Variants in TANGO6 observed in about 807,000 individuals in gnomAD.
TANGO6 encodes transport and golgi organization 6 homolog, also known as transport and Golgi organization protein 6 homolog.
A neutral mutation model predicts 114.2 loss-of-function variants in TANGO6; 90 were observed. The ratio of observed to expected loss-of-function variants is 0.79; its 90% confidence interval spans 0.66 to 0.94. The LOEUF is 0.94. Ranked by LOEUF, TANGO6 falls within the 40% of genes least tolerant of loss-of-function variation. The pLI, the probability that TANGO6 is intolerant of heterozygous loss-of-function variation, is 0.00. For missense variants in TANGO6, 1,274 were observed against 1,315.3 expected, an observed-to-expected ratio of 0.97 and a Z score of 0.49; for synonymous variants, 477 against 509.8, an observed-to-expected ratio of 0.94 and a Z score of 0.87.
chr16:68,982,630 C>CTTTTTTTTTTTTTTTTTTTTGTTTTT (rs1963848556), intron 15 of TANGO6, among the ~76,000 whole-genome samples: 1 of 105,338 alleles, frequency 9.5e-6, no homozygotes, highest in Admixed American at 9.4e-5. Context: ...ATGCCCTGGC[C>CTTTTTTTTTTTTTTTTTTTTGTTTTT]TTTTTTTTTT....
At chr16:68,847,401 G>A (rs1204709214) in intron 1 of TANGO6, among the ~76,000 whole-genome samples, 1 of 152,142 alleles carries the variant, frequency 6.6e-6, no homozygotes, top group African/African-American at 2.4e-5. Context: ...TTATGGAAAT[G>A]CCTCCAATTT....
intron 17 of TANGO6, among the ~76,000 whole-genome samples, chr16:69,046,410 AC>A (rs1056801097): frequency 5.3e-5 from 8 of 151,306 alleles, no homozygotes; most frequent in African/African-American, 1.5e-4. Context: ...ACGTCTGCCT[AC>A]CTATTCAAGC....
At chr16:68,922,950 T>TG (rs1462492563) in intron 12 of TANGO6, among the ~76,000 whole-genome samples, 1 of 139,820 alleles carries the variant, frequency 7.2e-6, no homozygotes, top group African/African-American at 2.7e-5. Flanking sequence ...TTTTTTTTTT[T>TG]TTTTTTTTTT....
At chr16:68,855,276 A>C (rs1374308169) in intron 1 of TANGO6, among the ~76,000 whole-genome samples, 1 of 152,034 alleles carries the variant, frequency 6.6e-6, no homozygotes, top group Non-Finnish European at 1.5e-5. Flanking sequence ...TTTTGTGTTA[A>C]ATTTATCCTA....
At position 68,907,505 on chromosome 16, in the gene TANGO6, A is replaced by G; in HGVS notation, c.1730A>G (p.His577Arg). The part of the protein sequence containing the change: ...KVSSEQGRVE[H>R]LGDLLSHCQE... ...TCCTCTGAGCAGGGCCGGGTGGAGC[A>G]TCTCGGGGACTTGCTGTCCCACTGC... The change falls in exon 10 of 18, where the codon CAT becomes CGT. Residue 577 changes from histidine to arginine, a missense_variant. This residue lies in a region of TANGO6 where 908 missense variants were observed against 910.2 expected (regional missense o/e 1.00). Coordinates refer to ENST00000261778, the MANE Select transcript of TANGO6 (RefSeq NM_024562.2). 1 of 1,612,994 alleles carries G rather than the reference A, an allele frequency of 6.2e-7. No individual in the cohort carries two copies.
intron 4 of TANGO6, among the ~76,000 whole-genome samples, chr16:68,868,846 C>T (rs1177682295): frequency 1.3e-5 from 2 of 152,242 alleles, no homozygotes; most frequent in South Asian, 2.1e-4. Context: ...CAGTTTCAGG[C>T]ATCATGTATC....
chr16:68,882,488 C>G (rs1181275299), intron 7 of TANGO6, among the ~76,000 whole-genome samples: 3 of 150,626 alleles, frequency 2.0e-5, no homozygotes, highest in Non-Finnish European at 4.4e-5. Flanking sequence ...CAGAGCGAGA[C>G]TCCGTCTCAA....
In TANGO6 at chr16:68,882,665, G is replaced by A. The variant is rs187360268; in HGVS notation, c.1377+2035G>A. On this transcript the variant is annotated intron_variant, in intron 7 of 17. Transcript: ENST00000261778. ...TAAATTTACTAAAATTCACTGAAGT[G>A]TATATTTAAAATAAATGATTTTATG... is the stretch of plus-strand genomic sequence containing the variant. 3.5e-3 allele frequency among the ~76,000 whole-genome samples: 536 copies of A among 152,078 alleles called. 2 individuals are homozygous for A. Among genetic ancestry groups the A allele is most frequent in the Middle Eastern group, 0.014 (4 of 294 alleles).
intron 17 of TANGO6, among the ~76,000 whole-genome samples, chr16:69,049,287 C>G (rs990803211): frequency 1.3e-5 from 2 of 151,958 alleles, no homozygotes; most frequent in African/African-American, 4.8e-5. Flanking sequence ...CACTAATCTA[C>G]TTTCTCACTA....
Position 68,922,950 on chromosome 16 carries a change from T to G in TANGO6, c.2127+3731T>G, listed in dbSNP as rs866294661. Reference sequence around the variant, plus strand: ...ACTGCTTAGGTCATGTTTTTTTTTTTTTTTTTTTTTTTTTTTGAGATGGAG... The same window carrying G: ...ACTGCTTAGGTCATGTTTTTTTTTTGTTTTTTTTTTTTTTTTGAGATGGAG... On this transcript the variant is annotated intron_variant, in intron 12 of 17. Coordinates refer to ENST00000261778, the MANE Select transcript of TANGO6 (RefSeq NM_024562.2). 7.5e-3 allele frequency among the ~76,000 whole-genome samples: 1,054 copies of G among 139,906 alleles called. 10 individuals carry two copies. The highest frequency in any genetic ancestry group is 0.013 in the Non-Finnish European group (807 of 64,316). The allele number at this position is 139,906 out of a possible 152,430, so 91.8% of individuals were successfully genotyped here. A position where few individuals can be genotyped will look rare whatever the true frequency, so the allele number is the denominator to read the frequency against.
At chr16:68,974,290 T>A in intron 15 of TANGO6, 122 bp downstream of exon 15, 1 of 1,096,378 alleles carries the variant, frequency 9.1e-7, no homozygotes, top group Non-Finnish European at 1.3e-6. Flanking sequence ...AGGGCTGGGA[T>A]GTACCCATTT....
intron 3 of TANGO6, among the ~76,000 whole-genome samples, chr16:68,864,937 G>A (rs538911589): frequency 5.3e-5 from 8 of 152,170 alleles, no homozygotes; most frequent in Non-Finnish European, 1.2e-4. Flanking sequence ...GAGGACAGGA[G>A]AGTTAGGATG....
At chr16:69,028,856 C>CAAAAAAAA (rs397761274) in intron 16 of TANGO6, among the ~76,000 whole-genome samples, 1 of 65,516 alleles carries the variant, frequency 1.5e-5, no homozygotes, top group Non-Finnish European at 3.4e-5. Flanking sequence ...CCCAGTTTAA[C>CAAAAAAAA]AAAAAAAAAA....
intron 15 of TANGO6, among the ~76,000 whole-genome samples, chr16:69,007,333 G>C (rs1427908731): frequency 7.0e-6 from 1 of 142,400 alleles, no homozygotes; most frequent in African/African-American, 2.6e-5. Flanking sequence ...GCAGTGGCAC[G>C]ATCTCGGCTC....
At chr16:69,054,311 G>A (rs1018783558) in intron 17 of TANGO6, among the ~76,000 whole-genome samples, 1 of 152,220 alleles carries the variant, frequency 6.6e-6, no homozygotes, top group East Asian at 1.9e-4. Context: ...GGGAGGGGCA[G>A]TTACCTGGAT....
rs1254094570 is a variant in TANGO6, at chr16:68,860,207, T to C, written c.418T>C (p.Ser140Pro). The change falls in exon 2 of 18, where the codon TCA becomes CCA. Residue 140 changes from serine (S) to proline (P), a missense_variant. Physicochemically the swap from Ser to Pro is moderately conservative, Grantham distance 74 (BLOSUM62 -1). This residue lies in a region of TANGO6 where 908 missense variants were observed against 910.2 expected (regional missense o/e 1.00). Transcript: ENST00000261778. The part of the protein sequence containing the change: ...PALSPDALSI[S>P]QQKTVQFVLQ... Reference sequence around the variant, plus strand: ...CCTGAGCCCCGATGCACTTAGTATCTCACAACAGAAGACTGTCCAGTTCGT... The same window carrying C: ...CCTGAGCCCCGATGCACTTAGTATCCCACAACAGAAGACTGTCCAGTTCGT... The C allele has an allele frequency of 6.2e-7, 1 of 1,613,900 alleles. No individual in the cohort carries two copies. The highest frequency in any genetic ancestry group is 2.2e-5 in the East Asian group (1 of 44,900).
intron 4 of TANGO6, among the ~76,000 whole-genome samples, chr16:68,870,801 T>G (rs1278963990): frequency 7.0e-6 from 1 of 143,760 alleles, no homozygotes; most frequent in Non-Finnish European, 1.5e-5. Context: ...GCAATGAATT[T>G]CTTTTTTTTT....
chr16:69,024,177 C>T (rs1374472229), intron 16 of TANGO6, among the ~76,000 whole-genome samples: 1 of 152,092 alleles, frequency 6.6e-6, no homozygotes, highest in East Asian at 1.9e-4. Context: ...GTTAGGATTA[C>T]AGGCGTGAGC....
intron 14 of TANGO6, among the ~76,000 whole-genome samples, chr16:68,968,268 A>G (rs1408156607): frequency 1.3e-5 from 2 of 151,222 alleles, no homozygotes; most frequent in Non-Finnish European, 2.9e-5. Context: ...GTTTCACCAT[A>G]TTGGCCAGGC....
Sources: allele counts gnomAD v4.1 joint callset (sites outside exome capture counted in the v4.1 genomes callset), GRCh38; gene constraint gnomAD v4.1.1; regional missense constraint gnomAD v4.1.1; transcripts MANE v1.5; gene names NCBI Gene and HGNC (gene_info 2026-07-23, HGNC 2026-07-21).